LRRIQ3: variants seen among roughly 807,000 people sequenced by gnomAD.
The protein encoded by LRRIQ3 is leucine rich repeats and IQ motif containing 3.
A neutral mutation model predicts 59.3 loss-of-function variants in LRRIQ3; 75 were observed. The observed-to-expected ratio is 1.26, with a 90% CI of 1.05 to 1.53. The LOEUF (loss-of-function observed/expected upper bound fraction) is 1.53. Among genes scored for constraint, LRRIQ3 ranks in the 40% most tolerant of loss-of-function variants. The probability of loss-of-function intolerance (pLI) is 0.00; values close to 1 mark genes in which losing one functional copy is unlikely to be tolerated. For missense variants in LRRIQ3, 831 were observed against 710.0 expected, an observed-to-expected ratio of 1.17 and a Z score of -1.94; for synonymous variants, 250 against 231.3, an observed-to-expected ratio of 1.08 and a Z score of -0.73.
At position 74,133,521 on chromosome 1, in the gene LRRIQ3, A is replaced by T. The variant is rs558006889; in HGVS notation, c.707+22212T>A. ...ATGTGGCACATATACACCATGGAAT[A>T]CTATGCAGCCATAAAAAATGATGAG... On this transcript the variant is annotated intron_variant, in intron 4 of 7. Transcript: ENST00000354431. 3.3e-4 allele frequency among the ~76,000 whole-genome samples: 51 copies of T among 152,248 alleles called. 1 individual carries two copies. Among genetic ancestry groups the T allele is most frequent in the African/African-American group, 1.2e-3 (50 of 41,558 alleles).
intron 5 of LRRIQ3, among the ~76,000 whole-genome samples, chr1:74,100,369 C>G (rs1646512653): frequency 6.6e-6 from 1 of 152,216 alleles, no homozygotes; most frequent in East Asian, 1.9e-4. Flanking sequence ...AGGACCTCTT[C>G]AAGGAGAACT....
Position 74,180,818 on chromosome 1 carries a change from G to A in LRRIQ3, c.573+1720C>T, listed in dbSNP as rs903995018. On this transcript the variant is annotated intron_variant, in intron 3 of 7. Transcript: ENST00000354431. ...TTTTCCACATCCAAGGAAACAATGA[G>A]GAATAAATATTCTTCAAAAAGGCCT... 5 of 1,547,030 alleles carry A rather than the reference G, an allele frequency of 3.2e-6. No homozygotes were observed. The African/African-American group carries it at 6.9e-5, about 21-fold the overall frequency.
intron 4 of LRRIQ3, among the ~76,000 whole-genome samples, chr1:74,150,588 T>C (rs1474612761): frequency 6.6e-6 from 1 of 152,136 alleles, no homozygotes; most frequent in Admixed American, 6.5e-5. Context: ...CTTTTCTCGC[T>C]TCTGCTAAAA....
At chr1:74,173,276 A>AAC (rs34775198) in intron 3 of LRRIQ3, among the ~76,000 whole-genome samples, 123,256 of 144,946 alleles carry the variant, frequency 0.85, 53,378 homozygotes, top group East Asian at 0.97. Context: ...CAGACTGGGC[A>AAC]AGAGTGAGAG....
intron 4 of LRRIQ3, among the ~76,000 whole-genome samples, chr1:74,148,570 C>T (rs1647722899): frequency 1.3e-5 from 2 of 152,136 alleles, no homozygotes; most frequent in African/African-American, 2.4e-5. Flanking sequence ...TAAAGAGATG[C>T]ATAGGGTGTG....
At chr1:74,094,555 A>G (rs1475138085) in intron 5 of LRRIQ3, among the ~76,000 whole-genome samples, 1 of 152,138 alleles carries the variant, frequency 6.6e-6, no homozygotes, top group African/African-American at 2.4e-5. Context: ...ACTTTGATTT[A>G]GTCAAGTAAA....
intron 6 of LRRIQ3, among the ~76,000 whole-genome samples, chr1:74,053,556 A>G (rs1388553339): frequency 6.6e-6 from 1 of 152,132 alleles, no homozygotes; most frequent in Non-Finnish European, 1.5e-5. Context: ...GGCTGGGTGC[A>G]CTGACTCACC....
At chr1:74,178,550 C>T (rs545213812) in intron 3 of LRRIQ3, among the ~76,000 whole-genome samples, 27 of 152,124 alleles carry the variant, frequency 1.8e-4, no homozygotes, top group Non-Finnish European at 2.2e-4. Context: ...ATGCTAAATG[C>T]TCAAGCTAAA....
At chr1:74,030,967 T>G (rs1322234952) in intron 7 of LRRIQ3, among the ~76,000 whole-genome samples, 2 of 152,154 alleles carry the variant, frequency 1.3e-5, no homozygotes. Context: ...AAACAGACAC[T>G]TCTCAAAAGA....
intron 5 of LRRIQ3, chr1:74,082,433 G>C (rs1049106726): frequency 1.3e-5 from 2 of 151,312 alleles, no homozygotes; most frequent in Non-Finnish European, 3.0e-5. Flanking sequence ...AAGTTCATAG[G>C]GTCATGTAAA....
At chr1:74,181,895 T>A (rs1650000249) in intron 3 of LRRIQ3, 1 of 151,830 alleles carries the variant, frequency 6.6e-6, no homozygotes, top group South Asian at 2.1e-4. Flanking sequence ...TGACTTCACA[T>A]ATCTTTAGAA....
At chr1:74,146,563 C>A (rs1293449726) in intron 4 of LRRIQ3, among the ~76,000 whole-genome samples, 1 of 152,144 alleles carries the variant, frequency 6.6e-6, no homozygotes, top group Non-Finnish European at 1.5e-5. Context: ...AATTTCATAA[C>A]TTTGCTATGA....
intron 3 of LRRIQ3, among the ~76,000 whole-genome samples, chr1:74,175,622 TG>T (rs1016503163): frequency 2.0e-5 from 3 of 152,294 alleles, no homozygotes; most frequent in African/African-American, 7.2e-5. Context: ...TGCACTCTAC[TG>T]GGTGCTGTAA....
intron 5 of LRRIQ3, among the ~76,000 whole-genome samples, chr1:74,088,291 G>A (rs1362117070): frequency 6.6e-6 from 1 of 152,012 alleles, no homozygotes; most frequent in Non-Finnish European, 1.5e-5. Context: ...TTATTTGCAT[G>A]TTAATTTCTG....
chr1:74,056,232 A>G (rs1381643034), intron 6 of LRRIQ3, among the ~76,000 whole-genome samples: 1 of 152,104 alleles, frequency 6.6e-6, no homozygotes, highest in Non-Finnish European at 1.5e-5. Flanking sequence ...CAACACAGTA[A>G]AGACCATATA....
intron 5 of LRRIQ3, among the ~76,000 whole-genome samples, chr1:74,098,913 A>G (rs1646489194): frequency 6.6e-6 from 1 of 152,230 alleles, no homozygotes; most frequent in African/African-American, 2.4e-5. Flanking sequence ...CAGTGTTTAG[A>G]GGGAAATTTA....
At chr1:74,047,052 A>C (rs1654226441) in intron 6 of LRRIQ3, among the ~76,000 whole-genome samples, 2 of 152,140 alleles carry the variant, frequency 1.3e-5, no homozygotes, top group South Asian at 2.1e-4. Context: ...CGATTCCTCC[A>C]GGATATAGAA....
intron 1 of LRRIQ3, 90 bp from the exon 2 acceptor site, chr1:74,183,774 A>C (rs1282159106): frequency 3.6e-6 from 4 of 1,114,884 alleles, no homozygotes; most frequent in African/African-American, 1.6e-5. Flanking sequence ...AGATAGCGCA[A>C]GTAAAAAGTG....
intron 1 of LRRIQ3, among the ~76,000 whole-genome samples, chr1:74,186,087 T>C (rs765602379): frequency 3.4e-5 from 5 of 149,110 alleles, no homozygotes; most frequent in African/African-American, 1.2e-4. Context: ...GCTATATAAA[T>C]ATATATAAAT....
Sources: allele counts gnomAD v4.1 joint callset (sites outside exome capture counted in the v4.1 genomes callset), GRCh38; gene constraint gnomAD v4.1.1; transcripts MANE v1.5; gene names NCBI Gene and HGNC (gene_info 2026-07-23, HGNC 2026-07-21).